Variants in LMO7 observed in about 807,000 individuals in gnomAD.
LMO7 encodes the protein LIM domain 7, also known as LIM domain only protein 7.
LMO7 carries 120 observed loss-of-function variants against 206.5 expected under a neutral mutation model. That is an observed-to-expected ratio of 0.58 (90% CI 0.50 to 0.68). The LOEUF (loss-of-function observed/expected upper bound fraction) is 0.68. LMO7 is among the 30% of genes least tolerant of loss of function. The pLI, the probability that LMO7 is intolerant of heterozygous loss-of-function variation, is 0.00. For synonymous variants in LMO7, 706 were observed against 681.5 expected, an observed-to-expected ratio of 1.04 and a Z score of -0.56; for missense variants, 1,959 against 1,957.9, an observed-to-expected ratio of 1.00 and a Z score of -0.01.
At position 75,838,369 on chromosome 13, in the gene LMO7, T is replaced by C; in HGVS notation, c.3451+173T>C. On this transcript the variant is annotated intron_variant, in intron 20 of 30. Transcript: ENST00000377534. ...TAGGGTCATCAGGCTTTTCTTACAG[T>C]TCATGGGTCTACCTCTGTGGTAATG... is the stretch of plus-strand genomic sequence containing the variant. 4 of 1,504,484 alleles carry C rather than the reference T, an allele frequency of 2.7e-6. No homozygotes were observed. In the South Asian group the frequency reaches 3.6e-5, roughly 14 times the overall value. 93.2% of individuals were successfully genotyped at this position (1,504,484 alleles called of 1,614,324 possible).
chr13:75,697,829 G>T (rs2137849478), intron 1 of LMO7, among the ~76,000 whole-genome samples: 1 of 152,322 alleles, frequency 6.6e-6, no homozygotes, highest in Non-Finnish European at 1.5e-5. Flanking sequence ...AGCTGTCAGT[G>T]TATCTACTTT....
At chr13:75,810,507 G>T (rs1008614635) in intron 11 of LMO7, among the ~76,000 whole-genome samples, 8 of 152,114 alleles carry the variant, frequency 5.3e-5, no homozygotes, top group African/African-American at 1.9e-4. Flanking sequence ...CATGCTTTCC[G>T]TGTGCCATGC....
chr13:75,820,376 A>G (rs1278979784), intron 13 of LMO7, among the ~76,000 whole-genome samples: 1 of 152,186 alleles, frequency 6.6e-6, no homozygotes, highest in Non-Finnish European at 1.5e-5. Flanking sequence ...CACCAGTTTG[A>G]TCTCCACAAA....
chr13:75,815,901 A>G (rs1374149938), intron 11 of LMO7, among the ~76,000 whole-genome samples: 2 of 152,196 alleles, frequency 1.3e-5, no homozygotes, highest in Non-Finnish European at 2.9e-5. Context: ...TAGTAACCAC[A>G]AGAGGAAAAG....
intron 4 of LMO7, among the ~76,000 whole-genome samples, chr13:75,764,792 C>T (rs550819174): frequency 6.6e-6 from 1 of 152,050 alleles, no homozygotes; most frequent in Non-Finnish European, 1.5e-5. Context: ...TTGATAATAT[C>T]ATTACAGAGT....
intron 3 of LMO7, among the ~76,000 whole-genome samples, chr13:75,743,111 G>T (rs2046548538): frequency 6.6e-6 from 1 of 151,922 alleles, no homozygotes; most frequent in South Asian, 2.1e-4. Flanking sequence ...ATAGGCATAT[G>T]AAAAAAAAGC....
chr13:75,769,294 T>C (rs924110518), intron 4 of LMO7, among the ~76,000 whole-genome samples: 2 of 151,950 alleles, frequency 1.3e-5, no homozygotes, highest in Non-Finnish European at 2.9e-5. Flanking sequence ...GCATTGGTTG[T>C]TGGTGGATTT....
At chr13:75,726,891 T>G in intron 2 of LMO7, 138 bp from the exon 3 acceptor site, 1 of 646,602 alleles carries the variant, frequency 1.5e-6, no homozygotes, top group Non-Finnish European at 2.8e-6. Context: ...TCTTGGTTAT[T>G]TGCTTTTTGA....
Position 75,821,577 on chromosome 13 carries a change from AG to A in LMO7, c.2612del (p.Gly871GlufsTer54). The A allele has an allele frequency of 6.2e-7, 1 of 1,613,810 alleles. No homozygotes were observed. Among genetic ancestry groups the A allele is most frequent in the Non-Finnish European group, 8.5e-7 (1 of 1,179,802 alleles). ...ACCAAGACCCTTTGGCTCTCAGACA[AG>A]GGGAATCTCATCACTCCCCAGATCT... ...VTPRPFGSQTRGISSLPRSYT... is the reference protein window; with the variant it reads ...VTPRPFGSQTXGISSLPRSYT... On this transcript the variant is annotated frameshift_variant, in exon 14 of 31. Transcript: ENST00000377534. LOFTEE classifies it high-confidence loss of function.
At chr13:75,851,623 A>C (rs1466521736) in intron 27 of LMO7, among the ~76,000 whole-genome samples, 1 of 152,240 alleles carries the variant, frequency 6.6e-6, no homozygotes, top group Non-Finnish European at 1.5e-5. Flanking sequence ...CAATAAAAAT[A>C]AATGTGACTA....
At chr13:75,838,278 G>A in intron 20 of LMO7, 82 bp downstream of exon 20, 1 of 1,511,550 alleles carries the variant, frequency 6.6e-7, no homozygotes, top group Non-Finnish European at 9.1e-7. Flanking sequence ...GTGGTGCTGG[G>A]CACTGAGCCT....
At chr13:75,755,085 G>T (rs1308343498) in intron 3 of LMO7, among the ~76,000 whole-genome samples, 3 of 152,098 alleles carry the variant, frequency 2.0e-5, no homozygotes, top group African/African-American at 7.2e-5. Context: ...AGGGTCAGGG[G>T]AGTGGTAGCT....
intron 28 of LMO7, among the ~76,000 whole-genome samples, chr13:75,854,588 G>A (rs1595561270): frequency 2.0e-5 from 3 of 152,196 alleles, no homozygotes; most frequent in South Asian, 2.1e-4. Context: ...GTGGAAGAAC[G>A]GGTGCCGCCT....
At chr13:75,650,164 T>C (rs1188473454) in intron 1 of LMO7, among the ~76,000 whole-genome samples, 1 of 151,690 alleles carries the variant, frequency 6.6e-6, no homozygotes, top group Non-Finnish European at 1.5e-5. Context: ...GGAGTCTCGC[T>C]CTGTCGCCAG....
At chr13:75,733,256 T>C (rs2045451194) in intron 3 of LMO7, among the ~76,000 whole-genome samples, 1 of 152,234 alleles carries the variant, frequency 6.6e-6, no homozygotes, top group African/African-American at 2.4e-5. Context: ...AGGCAGGCCT[T>C]CTTGAGCTGT....
chr13:75,681,346 T>C (rs1477429830), intron 1 of LMO7, among the ~76,000 whole-genome samples: 1 of 152,196 alleles, frequency 6.6e-6, no homozygotes, highest in Admixed American at 6.5e-5. Flanking sequence ...CTCAGCAAAG[T>C]TTATGAGCTA....
chr13:75,624,091 C>A (rs1256578204), intron 2 of LMO7, among the ~76,000 whole-genome samples: 3 of 152,172 alleles, frequency 2.0e-5, no homozygotes, highest in South Asian at 2.1e-4. Context: ...CTGCTGAATT[C>A]TCAATTTCTA....
At chr13:75,816,917 GT>G in intron 11 of LMO7, 11 of 299,490 alleles carry the variant, frequency 3.7e-5, no homozygotes, top group Middle Eastern at 9.0e-4. Flanking sequence ...TTGTTTGTTT[GT>G]TTTTTTTGAG....
chr13:75,773,626 G>C (rs78613478), intron 4 of LMO7, among the ~76,000 whole-genome samples: 62 of 152,280 alleles, frequency 4.1e-4, no homozygotes, highest in African/African-American at 1.4e-3. Context: ...AGAAAGAAGA[G>C]TTAGCGTTTG....
Sources: allele counts gnomAD v4.1 joint callset (sites outside exome capture counted in the v4.1 genomes callset), GRCh38; gene constraint gnomAD v4.1.1; transcripts MANE v1.5; gene names NCBI Gene and HGNC (gene_info 2026-07-23, HGNC 2026-07-21).